The following ITGB6 variants were observed in gnomAD, a reference collection of about 807,000 sequenced individuals.
The protein encoded by ITGB6 is integrin subunit beta 6, also known as integrin beta-6.
Under a neutral mutation model 84.5 loss-of-function variants are expected in ITGB6, and 80 were observed. The observed-to-expected ratio is 0.95, with a 90% confidence interval of 0.79 to 1.14. The LOEUF (loss-of-function observed/expected upper bound fraction) is 1.14. Ranked by LOEUF, ITGB6 falls within the 50% of genes most tolerant of loss-of-function variation. The pLI, the probability that ITGB6 is intolerant of heterozygous loss-of-function variation, is 0.00. For missense variants in ITGB6, 1,006 were observed against 968.0 expected, an observed-to-expected ratio of 1.04 and a Z score of -0.52; for synonymous variants, 383 against 354.9, an observed-to-expected ratio of 1.08 and a Z score of -0.89.
intron 10 of ITGB6, among the ~76,000 whole-genome samples, chr2:160,133,894 A>G (rs1574068550): frequency 6.6e-6 from 1 of 152,326 alleles, no homozygotes; most frequent in South Asian, 2.1e-4. Flanking sequence ...TCTCTGGGAC[A>G]CATTCAAAGC....
intron 4 of ITGB6, among the ~76,000 whole-genome samples, chr2:160,188,240 T>A (rs185391154): frequency 4.1e-4 from 62 of 152,316 alleles, no homozygotes; most frequent in Admixed American, 6.5e-4. Flanking sequence ...GATTGACTTT[T>A]TATCTTGACA....
Position 160,163,118 on chromosome 2 carries a change from C to T in ITGB6, c.1017+6094G>A, listed in dbSNP as rs185827028. ...CTAGCTGTGTGGCCTGTTCTTACCA[C>T]CCAGAGCTTAAACAACCCACGGGGC... On this transcript the variant is annotated intron_variant, in intron 7 of 14. Coordinates refer to ENST00000283249, the MANE Select transcript of ITGB6 (RefSeq NM_000888.5). 3.9e-5 allele frequency among the ~76,000 whole-genome samples: 6 copies of T among 152,290 alleles called. No individual in the cohort carries two copies. In the East Asian group the frequency reaches 1.2e-3, roughly 29 times the overall value.
intron 7 of ITGB6, 35 bp downstream of exon 7, chr2:160,169,177 T>C (rs1221143905): frequency 1.6e-6 from 2 of 1,212,724 alleles, no homozygotes; most frequent in Non-Finnish European, 2.4e-6. Flanking sequence ...TCACATAATC[T>C]CCTTGAAGGA....
chr2:160,154,598 A>T (rs1684553300), intron 7 of ITGB6, among the ~76,000 whole-genome samples: 1 of 152,162 alleles, frequency 6.6e-6, no homozygotes, highest in Admixed American at 6.5e-5. Context: ...AGAGTTGAAC[A>T]CTTATGTCCA....
intron 4 of ITGB6, among the ~76,000 whole-genome samples, chr2:160,188,304 G>T (rs886769684): frequency 1.3e-5 from 2 of 152,186 alleles, no homozygotes; most frequent in Non-Finnish European, 2.9e-5. Context: ...GAGAAACTAA[G>T]AGAGTTAGGG....
chr2:160,157,424 G>C (rs193078965), intron 7 of ITGB6, among the ~76,000 whole-genome samples: 1 of 152,116 alleles, frequency 6.6e-6, no homozygotes, highest in South Asian at 2.1e-4. Context: ...TGTAATACAT[G>C]GTAGAAATAG....
intron 7 of ITGB6, among the ~76,000 whole-genome samples, chr2:160,156,135 C>T (rs986541335): frequency 1.3e-5 from 2 of 152,070 alleles, no homozygotes; most frequent in African/African-American, 2.4e-5. Flanking sequence ...GGGATGCTTC[C>T]GGGTAATCAA....
At chr2:160,181,003 G>T (rs1685643901) in intron 4 of ITGB6, among the ~76,000 whole-genome samples, 1 of 152,158 alleles carries the variant, frequency 6.6e-6, no homozygotes, top group South Asian at 2.1e-4. Context: ...CAGACCAGGA[G>T]ATTCCCTCGG....
chr2:160,112,369 C>G (rs1008954848), intron 12 of ITGB6, among the ~76,000 whole-genome samples, 170 bp from the exon 13 acceptor site: 3 of 151,214 alleles, frequency 2.0e-5, no homozygotes, highest in African/African-American at 7.3e-5. Flanking sequence ...TTTTCGTTTT[C>G]ACTCACGTTC....
chr2:160,180,600 G>A (rs115078097), intron 4 of ITGB6, among the ~76,000 whole-genome samples: 1 of 152,170 alleles, frequency 6.6e-6, no homozygotes, highest in Non-Finnish European at 1.5e-5. Context: ...GGTCCTTCAC[G>A]TTAAACTATT....
chr2:160,198,351 G>T (rs189667626), intron 2 of ITGB6, among the ~76,000 whole-genome samples: 51 of 152,328 alleles, frequency 3.3e-4, no homozygotes, highest in African/African-American at 1.2e-3. Flanking sequence ...GTAGAACCCA[G>T]TTCTGAGTTT....
At chr2:160,134,622 A>G (rs1299886854) in intron 10 of ITGB6, among the ~76,000 whole-genome samples, 1 of 152,242 alleles carries the variant, frequency 6.6e-6, no homozygotes. Context: ...TTTTAGACGA[A>G]TATCCCTGAT....
chr2:160,175,113 T>C (rs1478717611), intron 4 of ITGB6, among the ~76,000 whole-genome samples: 1 of 152,212 alleles, frequency 6.6e-6, no homozygotes, highest in East Asian at 1.9e-4. Flanking sequence ...ATGTGCTGCC[T>C]GGGGATGAAC....
chr2:160,112,439 G>A (rs938804544), intron 12 of ITGB6, among the ~76,000 whole-genome samples: 11 of 151,942 alleles, frequency 7.2e-5, no homozygotes, highest in African/African-American at 2.2e-4. Flanking sequence ...CCTATCAAAC[G>A]GATACGGGCA....
intron 4 of ITGB6, among the ~76,000 whole-genome samples, chr2:160,192,708 G>T (rs1245312456): frequency 6.6e-6 from 1 of 151,834 alleles, no homozygotes; most frequent in Non-Finnish European, 1.5e-5. Flanking sequence ...GAATATTTTT[G>T]ACTAAAATAT....
intron 12 of ITGB6, among the ~76,000 whole-genome samples, chr2:160,122,923 G>A (rs1683098370): frequency 6.6e-6 from 1 of 152,142 alleles, no homozygotes; most frequent in Non-Finnish European, 1.5e-5. Context: ...CTTCACCTGA[G>A]CTACATCTTG....
At chr2:160,133,147 G>A (rs939582259) in intron 10 of ITGB6, among the ~76,000 whole-genome samples, 1 of 152,098 alleles carries the variant, frequency 6.6e-6, no homozygotes, top group South Asian at 2.1e-4. Context: ...AGACCCATCA[G>A]TGTGCTGTAT....
intron 4 of ITGB6, among the ~76,000 whole-genome samples, chr2:160,176,159 G>A (rs1022641710): frequency 6.6e-6 from 1 of 152,168 alleles, no homozygotes; most frequent in Non-Finnish European, 1.5e-5. Flanking sequence ...GTCCCAAGAC[G>A]ACCACCCCAG....
Position 160,200,044 on chromosome 2 carries a change from C to T in ITGB6, c.20G>A (p.Cys7Tyr). MGIELL[C>Y]LFFLFLGRND... is the part of the protein sequence containing the mutation. ...CCTTCCTAGAAATAGAAAGAACAGGCAAAGCAGTTCAATCCCCATTCGTTT... is the reference window on the plus strand; with the variant it reads ...CCTTCCTAGAAATAGAAAGAACAGGTAAAGCAGTTCAATCCCCATTCGTTT... Residue 7 changes from cysteine (C) to tyrosine (Y), a missense_variant, in exon 1 of 15, where the codon TGC becomes TAC. Cys to Tyr is a radical substitution (Grantham distance 194, BLOSUM62 -2). Transcript: ENST00000283249. 1.2e-6 allele frequency: 2 copies of T among 1,613,834 alleles called. No individual in the cohort carries two copies. The highest frequency in any genetic ancestry group is 8.5e-7 in the Non-Finnish European group (1 of 1,179,806).
Sources: allele counts gnomAD v4.1 joint callset (sites outside exome capture counted in the v4.1 genomes callset), GRCh38; gene constraint gnomAD v4.1.1; transcripts MANE v1.5; gene names NCBI Gene and HGNC (gene_info 2026-07-23, HGNC 2026-07-21).